HAPLN1: variants seen among roughly 807,000 people sequenced by gnomAD.
HAPLN1 encodes hyaluronan and proteoglycan link protein 1, also known as Cartilage link protein.
In HAPLN1, 13 loss-of-function variants were observed where a neutral mutation model predicts 36.5. The ratio of observed to expected loss-of-function variants is 0.36; its 90% CI spans 0.23 to 0.57. HAPLN1 has a LOEUF of 0.57. HAPLN1 is among the 20% of genes least tolerant of loss of function. The probability of loss-of-function intolerance (pLI) is 0.83; values close to 1 mark genes in which losing one functional copy is unlikely to be tolerated. For missense variants in HAPLN1, 407 were observed against 439.7 expected, an observed-to-expected ratio of 0.93 and a Z score of 0.66; for synonymous variants, 202 against 169.8, an observed-to-expected ratio of 1.19 and a Z score of -1.48.
intron 2 of HAPLN1, among the ~76,000 whole-genome samples, chr5:83,659,736 G>A (rs1267598694): frequency 6.6e-6 from 1 of 151,994 alleles, no homozygotes; most frequent in Non-Finnish European, 1.5e-5. Context: ...ACCTATTGCT[G>A]TGTTACTAAA....
intron 3 of HAPLN1, among the ~76,000 whole-genome samples, chr5:83,645,711 A>G (rs183866668): frequency 2.8e-4 from 43 of 152,070 alleles, no homozygotes; most frequent in African/African-American, 8.9e-4. Context: ...GTACTCTTGC[A>G]TGTTTACTTT....
intron 1 of HAPLN1, chr5:83,703,676 C>T (rs1020971309): frequency 6.6e-6 from 1 of 152,102 alleles, no homozygotes; most frequent in Non-Finnish European, 1.5e-5. Flanking sequence ...TGAACAAAAC[C>T]TCCAAGAAGT....
At chr5:83,668,830 C>A (rs1750624673) in intron 2 of HAPLN1, among the ~76,000 whole-genome samples, 1 of 152,170 alleles carries the variant, frequency 6.6e-6, no homozygotes, top group South Asian at 2.1e-4. Flanking sequence ...CGTGTGAGGA[C>A]TGAACCAGAT....
chr5:83,685,255 T>C (rs1469131102), intron 1 of HAPLN1, among the ~76,000 whole-genome samples: 1 of 152,200 alleles, frequency 6.6e-6, no homozygotes, highest in African/African-American at 2.4e-5. Flanking sequence ...GTAGAAACTA[T>C]GTTTACTACT....
intron 2 of HAPLN1, among the ~76,000 whole-genome samples, chr5:83,661,241 C>CATCTATA (rs923741841): frequency 1.4e-5 from 2 of 147,034 alleles, no homozygotes; most frequent in African/African-American, 2.5e-5. Context: ...TATATCTATC[C>CATCTATA]ATCTATATCT....
intron 2 of HAPLN1, among the ~76,000 whole-genome samples, chr5:83,658,764 T>G (rs1232489140): frequency 1.3e-5 from 2 of 152,138 alleles, no homozygotes; most frequent in African/African-American, 4.8e-5. Flanking sequence ...CCTTTCCAGG[T>G]GCCCACCCCC....
At position 83,646,955 on chromosome 5, in the gene HAPLN1, C is replaced by G. The variant is rs193152284; in HGVS notation, c.473-2290G>C. The stretch of plus-strand genomic sequence containing the variant: ...ATCTCAACCTGAGGAGAGAAAGAAA[C>G]CAGTGGGGTTGACTTCCATTTCCAA... On this transcript the variant is annotated intron_variant, in intron 3 of 4. Coordinates refer to ENST00000274341, the MANE Select transcript of HAPLN1 (RefSeq NM_001884.4). Among the ~76,000 whole-genome samples the G allele has an allele frequency of 7.6e-3, 1,163 of 152,304 alleles. 8 individuals are homozygous for G. Among genetic ancestry groups the G allele is most frequent in the Non-Finnish European group, 0.013 (882 of 68,030 alleles).
intron 2 of HAPLN1, among the ~76,000 whole-genome samples, chr5:83,654,097 A>G (rs1472579590): frequency 6.6e-6 from 1 of 152,270 alleles, no homozygotes; most frequent in Admixed American, 6.5e-5. Flanking sequence ...TGAATGGCAA[A>G]TATAGGATTT....
intron 1 of HAPLN1, among the ~76,000 whole-genome samples, chr5:83,689,229 G>T (rs1374259238): frequency 6.6e-6 from 1 of 152,062 alleles, no homozygotes; most frequent in East Asian, 1.9e-4. Context: ...GAGCGTTAGG[G>T]ATCGGTGGAT....
At chr5:83,671,406 T>A (rs781421708) in intron 2 of HAPLN1, among the ~76,000 whole-genome samples, 2 of 152,208 alleles carry the variant, frequency 1.3e-5, no homozygotes, top group Non-Finnish European at 2.9e-5. Context: ...CTTCAAAAAA[T>A]TTGTGAGGAT....
intron 2 of HAPLN1, among the ~76,000 whole-genome samples, chr5:83,658,205 C>T (rs186969768): frequency 1.3e-5 from 2 of 152,212 alleles, no homozygotes; most frequent in Non-Finnish European, 2.9e-5. Flanking sequence ...AATACTAACA[C>T]TTTGGAAGCT....
At chr5:83,712,624 G>A (rs1751817471) in intron 1 of HAPLN1, among the ~76,000 whole-genome samples, 1 of 151,918 alleles carries the variant, frequency 6.6e-6, no homozygotes. Context: ...CCTGTAGAAG[G>A]AGAGTGTTCA....
At chr5:83,690,055 C>G (rs577580642) in intron 1 of HAPLN1, among the ~76,000 whole-genome samples, 1 of 151,908 alleles carries the variant, frequency 6.6e-6, no homozygotes, top group Non-Finnish European at 1.5e-5. Flanking sequence ...GAAGACCACC[C>G]AGAAGTTTCA....
At chr5:83,708,561 A>AG (rs1357227016) in intron 1 of HAPLN1, among the ~76,000 whole-genome samples, 1 of 152,256 alleles carries the variant, frequency 6.6e-6, no homozygotes, top group East Asian at 1.9e-4. Context: ...GGGTCTGTTG[A>AG]GGGTGGAGGT....
rs1749600166 is a variant in HAPLN1, at chr5:83,638,920, T to C, written c.*2576A>G. 1 of 152,046 alleles carries C rather than the reference T, an allele frequency of 6.6e-6. No individual in the cohort carries two copies. Among genetic ancestry groups the C allele is most frequent in the South Asian group, 2.1e-4 (1 of 4,836 alleles). 9.4% of individuals were successfully genotyped at this position (152,046 alleles called of 1,614,324 possible). A position where few individuals can be genotyped will look rare whatever the true frequency, so the allele number is the denominator to read the frequency against. ...ATGTGCAGATATACTTTGTTCCTTA[T>C]ATGGTCACCAGTGTTAATTATGGAC... On this transcript the variant is annotated 3_prime_UTR_variant, in exon 5 of 5. Coordinates refer to ENST00000274341, the MANE Select transcript of HAPLN1 (RefSeq NM_001884.4).
intron 4 of HAPLN1, among the ~76,000 whole-genome samples, chr5:83,643,061 C>T (rs974411847): frequency 1.3e-5 from 2 of 152,064 alleles, no homozygotes; most frequent in Non-Finnish European, 2.9e-5. Flanking sequence ...CAGCGGCTCA[C>T]GTCTGTAATC....
chr5:83,698,419 G>T lies in HAPLN1; in HGVS notation c.-27+22370C>A, dbSNP rs375512801. ...TTTTAAAAACTCTTTGCATATTAAA[G>T]ATACTGCTTCTTTTTCTGTGACATA... On this transcript the variant is annotated intron_variant, in intron 1 of 4. Coordinates refer to ENST00000274341, the MANE Select transcript of HAPLN1 (RefSeq NM_001884.4). 2.6e-5 allele frequency among the ~76,000 whole-genome samples: 4 copies of T among 152,158 alleles called. No homozygotes were observed. The East Asian group carries it at 5.8e-4, about 22-fold the overall frequency.
chr5:83,687,911 C>T (rs1457781286), intron 1 of HAPLN1, among the ~76,000 whole-genome samples: 1 of 152,242 alleles, frequency 6.6e-6, no homozygotes, highest in South Asian at 2.1e-4. Flanking sequence ...TGTTTTGACT[C>T]TCTTGGTTTT....
chr5:83,704,999 A>C (rs1421216966), intron 1 of HAPLN1, among the ~76,000 whole-genome samples: 1 of 152,230 alleles, frequency 6.6e-6, no homozygotes, highest in African/African-American at 2.4e-5. Flanking sequence ...TCAGCCAATA[A>C]TTAGACATAA....
Sources: allele counts gnomAD v4.1 joint callset (sites outside exome capture counted in the v4.1 genomes callset), GRCh38; gene constraint gnomAD v4.1.1; transcripts MANE v1.5; gene names NCBI Gene and HGNC (gene_info 2026-07-23, HGNC 2026-07-21).